The following ZFP14 variants were observed in gnomAD, a reference collection of about 807,000 sequenced individuals.
ZFP14 encodes the protein ZFP14 zinc finger protein.
In ZFP14, 22 loss-of-function variants were observed where a neutral mutation model predicts 54.5. The observed-to-expected ratio is 0.40, with a 90% CI of 0.29 to 0.58. The LOEUF (loss-of-function observed/expected upper bound fraction) is 0.58, where lower values mean the gene tolerates loss of function less well. ZFP14 is among the 20% of genes least tolerant of loss of function. The probability of loss-of-function intolerance (pLI) is 0.39; values close to 1 mark genes in which losing one functional copy is unlikely to be tolerated. For synonymous variants in ZFP14, 159 were observed against 204.0 expected (o/e 0.78, Z 1.88); for missense variants, 470 against 637.8 (o/e 0.74, Z 2.83).
At chr19:36,344,683 G>A (rs1034769888) in intron 4 of ZFP14, among the ~76,000 whole-genome samples, 23 of 152,114 alleles carry the variant, frequency 1.5e-4, no homozygotes, top group African/African-American at 3.9e-4. Flanking sequence ...TCAGATCAGC[G>A]GTGACTAGAT....
At chr19:36,345,099 A>C (rs1568465763) in intron 4 of ZFP14, among the ~76,000 whole-genome samples, 1 of 152,168 alleles carries the variant, frequency 6.6e-6, no homozygotes, top group African/African-American at 2.4e-5. Context: ...CCCCATCTCT[A>C]CTAAAAATAC....
chr19:36,373,516 A>G (rs2031911904), intron 1 of ZFP14, among the ~76,000 whole-genome samples: 1 of 152,118 alleles, frequency 6.6e-6, no homozygotes. Flanking sequence ...GTATTACTGA[A>G]AAAAGCTAAG....
chr19:36,341,702 T>TAG lies in ZFP14; in HGVS notation c.236-113_236-112insCT. 9.8e-7 allele frequency: 1 copy of TAG among 1,018,620 alleles called. No homozygotes were observed. Among genetic ancestry groups the TAG allele is most frequent in the Non-Finnish European group, 1.4e-6 (1 of 728,264 alleles). 63.1% of individuals were successfully genotyped at this position (1,018,620 alleles called of 1,614,324 possible). ...AAAAGGCACCTAAAATAATGCCTGT[T>TAG]ACAAATTGAATGGATTAGACAGATC... is the stretch of plus-strand genomic sequence containing the variant. On this transcript the variant is annotated intron_variant, in intron 4 of 4. Transcript: ENST00000270001. The surrounding 1 kb of genome is among the most constrained non-coding windows in gnomAD (Gnocchi z 4.2).
rs1486958194 is a variant in ZFP14, at chr19:36,338,602, CA to C, written c.*1621del. ...ACAGTGAACTGTGCTTGTACCACTG[CA>C]CTCCAGCCTGGGGGACAAAGTGACA... is the stretch of plus-strand genomic sequence containing the variant. On this transcript the variant is annotated 3_prime_UTR_variant, in exon 5 of 5. Transcript: ENST00000270001. The C allele has an allele frequency of 3.9e-5, 6 of 152,126 alleles. No individual in the cohort carries two copies. The highest frequency in any genetic ancestry group is 1.4e-4 in the African/African-American group (6 of 41,494). The allele number at this position is 152,126 out of a possible 1,614,324, so 9.4% of individuals were successfully genotyped here.
In ZFP14 at chr19:36,334,653, T is replaced by C. The variant is rs991653832; in HGVS notation, c.*5571A>G. On this transcript the variant is annotated 3_prime_UTR_variant, in exon 5 of 5. Coordinates refer to ENST00000270001, the MANE Select transcript of ZFP14 (RefSeq NM_020917.3). ...TGATATGAGCTGCAAAAAATTGCCCTGACTTATGCCGCCCCCAACACAACC... is the reference window on the plus strand; with the variant it reads ...TGATATGAGCTGCAAAAAATTGCCCCGACTTATGCCGCCCCCAACACAACC... 6.6e-6 allele frequency: 1 copy of C among 152,196 alleles called. No homozygotes were observed. Among genetic ancestry groups the C allele is most frequent in the Non-Finnish European group, 1.5e-5 (1 of 68,032 alleles). 9.4% of individuals were successfully genotyped at this position (152,196 alleles called of 1,614,324 possible).
intron 1 of ZFP14, among the ~76,000 whole-genome samples, chr19:36,376,805 G>A (rs36026111): frequency 0.052 from 7,874 of 152,076 alleles, 242 homozygotes; most frequent in Non-Finnish European, 0.066. Context: ...TATATAGCAG[G>A]GTCTATCATT....
At position 36,362,182 on chromosome 19, in the gene ZFP14, G is replaced by C. The variant is rs1229122027; in HGVS notation, c.66C>G (p.Phe22Leu). ...AIDFSQEEWEFLDPAQRDLYR... is the reference protein window; with the variant it reads ...AIDFSQEEWELLDPAQRDLYR... ...ATAAGTCCCTCTGAGCAGGATCCAG[G>C]AATTCCCATTCTTCCTGTGAGAAGT... Residue 22 changes from phenylalanine (F) to leucine (L), a missense_variant, in exon 3 of 5, where the codon TTC (phenylalanine) becomes TTG (leucine). Phe to Leu is a conservative substitution (Grantham distance 22, BLOSUM62 0). Coordinates refer to ENST00000270001, the MANE Select transcript of ZFP14 (RefSeq NM_020917.3). The C allele has an allele frequency of 6.2e-7, 1 of 1,612,716 alleles. No individual in the cohort carries two copies. The highest frequency in any genetic ancestry group is 1.1e-5 in the South Asian group (1 of 90,966).
At chr19:36,371,758 C>T (rs2031879960) in intron 1 of ZFP14, among the ~76,000 whole-genome samples, 1 of 152,064 alleles carries the variant, frequency 6.6e-6, no homozygotes, top group South Asian at 2.1e-4. Context: ...GAGTTTGAAA[C>T]CAGCCTGGGC....
intron 1 of ZFP14, among the ~76,000 whole-genome samples, chr19:36,373,149 C>T (rs914146684): frequency 2.0e-5 from 3 of 151,918 alleles, no homozygotes; most frequent in Non-Finnish European, 4.4e-5. Context: ...TGGTAGCACA[C>T]GCCTGTAATC....
At chr19:36,365,151 A>C (rs2031775210) in intron 2 of ZFP14, among the ~76,000 whole-genome samples, 1 of 151,280 alleles carries the variant, frequency 6.6e-6, no homozygotes, top group African/African-American at 2.4e-5. Context: ...TACAGGCGTG[A>C]GCCACTACAC....
rs1441867310 is a variant in ZFP14 at position 36,341,413 on chromosome 19, C to T, written c.413G>A (p.Gly138Glu). The T allele has an allele frequency of 6.2e-7, 1 of 1,613,982 alleles. No individual in the cohort carries two copies. Among genetic ancestry groups the T allele is most frequent in the Non-Finnish European group, 8.5e-7 (1 of 1,180,026 alleles). Residue 138 changes from glycine to glutamate, a missense_variant, in exon 5 of 5, where the codon GGA (glycine) becomes GAA (glutamate). Physicochemically the swap from Gly to Glu is moderately conservative, Grantham distance 98. Transcript: ENST00000270001. The surrounding 1 kb of genome is among the most constrained non-coding windows in gnomAD (Gnocchi z 4.2). ...KIEGEKEQQE[G>E]YFGQVKITSE... ...GGTAATTTTCACTTGCCCAAAATAT[C>T]CCTCTTGTTGTTCCTTTTCCCCCTC...
intron 4 of ZFP14, among the ~76,000 whole-genome samples, chr19:36,354,195 AC>A (rs2031576220): frequency 7.2e-6 from 1 of 139,198 alleles, no homozygotes; most frequent in Non-Finnish European, 1.6e-5. Flanking sequence ...ACATGGTGAA[AC>A]CTTGTCTCTA....
intron 4 of ZFP14, among the ~76,000 whole-genome samples, chr19:36,348,100 A>C (rs768955603): frequency 1.8e-4 from 27 of 152,166 alleles, no homozygotes; most frequent in Non-Finnish European, 3.1e-4. Flanking sequence ...TAGAAAAGTC[A>C]ATTTCTAATG....
In ZFP14 at chr19:36,362,123, A is replaced by C; in HGVS notation, c.125T>G (p.Phe42Cys). 6.2e-7 allele frequency: 1 copy of C among 1,601,798 alleles called. No individual in the cohort carries two copies. Among genetic ancestry groups the C allele is most frequent in the Non-Finnish European group, 8.5e-7 (1 of 1,176,038 alleles). Residue 42 changes from phenylalanine to cysteine, a missense_variant, in exon 3 of 5, where the codon TTC becomes TGC. Phe to Cys is a radical substitution (Grantham distance 205). Transcript: ENST00000270001. Reference protein sequence around the residue: ...RDVMWENYSNFISLGPSISKP... With the variant: ...RDVMWENYSNCISLGPSISKP... ...ATAAATAACCTTACCTAGTGAAATG[A>C]AGTTGCTGTAGTTCTCCCACATTAC...
intron 2 of ZFP14, chr19:36,362,869 G>C (rs1019088663): frequency 1.8e-5 from 5 of 271,834 alleles, no homozygotes; most frequent in South Asian, 1.4e-4. Context: ...TCACAAACTC[G>C]GGTTTTATTA....
At chr19:36,356,513 T>C (rs1361781204) in intron 4 of ZFP14, among the ~76,000 whole-genome samples, 1 of 152,074 alleles carries the variant, frequency 6.6e-6, no homozygotes, top group African/African-American at 2.4e-5. Context: ...TCATGTGTGT[T>C]TATTTGCATA....
chr19:36,362,781 T>C, intron 2 of ZFP14: 2 of 280,112 alleles, frequency 7.1e-6, no homozygotes, highest in South Asian at 3.3e-5. Context: ...CTCTTTTCCC[T>C]TTAATGATCA....
chr19:36,368,657 TGAATCCTGCCCCTA>T (rs2031832938), intron 1 of ZFP14, among the ~76,000 whole-genome samples: 1 of 152,090 alleles, frequency 6.6e-6, no homozygotes, highest in African/African-American at 2.4e-5. Context: ...AGAAGGGCCC[TGAATCCTGCCCCTA>T]GAATCCTGCC....
chr19:36,357,638 T>C (rs1242085228), intron 4 of ZFP14, among the ~76,000 whole-genome samples: 3 of 152,220 alleles, frequency 2.0e-5, no homozygotes, highest in Non-Finnish European at 4.4e-5. Flanking sequence ...AGTGCGTGTG[T>C]GGCAGGGTAT....
Sources: allele counts gnomAD v4.1 joint callset (sites outside exome capture counted in the v4.1 genomes callset), GRCh38; gene constraint gnomAD v4.1.1; non-coding constraint Gnocchi (gnomAD v3.1); transcripts MANE v1.5; gene names NCBI Gene and HGNC (gene_info 2026-07-23, HGNC 2026-07-21).